Variants in AFF2 observed in about 807,000 individuals in gnomAD.
The protein encoded by AFF2 is AF4/FMR2 family member 2.
Under a neutral mutation model 76.9 loss-of-function variants are expected in AFF2, and 14 were observed. The observed-to-expected ratio is 0.18, with a 90% CI of 0.12 to 0.28. AFF2 has a LOEUF of 0.28. AFF2 is among the 10% of genes least tolerant of loss of function. The pLI is 1.00. For missense variants in AFF2, 868 were observed against 1,001.1 expected, an observed-to-expected ratio of 0.87 and a Z score of 1.79; for synonymous variants, 398 against 366.7, an observed-to-expected ratio of 1.09 and a Z score of -0.98.
intron 3 of AFF2, among the ~76,000 whole-genome samples, chrX:148,781,094 G>T (rs2069737526): frequency 8.9e-6 from 1 of 112,042 alleles, no homozygotes; most frequent in Admixed American, 9.5e-5. Flanking sequence ...GAACAGCAAA[G>T]ATTGCTGCCC....
At chrX:148,783,867 C>T (rs2069777578) in intron 3 of AFF2, among the ~76,000 whole-genome samples, 1 of 111,555 alleles carries the variant, frequency 9.0e-6, no homozygotes. Flanking sequence ...TGTGAGAGTA[C>T]AGGTGAACCA....
At chrX:148,770,327 G>A (rs781826236) in intron 3 of AFF2, among the ~76,000 whole-genome samples, 2 of 111,484 alleles carry the variant, frequency 1.8e-5, no homozygotes, top group Admixed American at 9.5e-5. Context: ...CATTCTATAC[G>A]TGGACATCCT....
At chrX:148,903,621 G>C (rs1557281116) in intron 8 of AFF2, among the ~76,000 whole-genome samples, 1 of 111,921 alleles carries the variant, frequency 8.9e-6, no homozygotes, top group Non-Finnish European at 1.9e-5. Context: ...CTATGATTTG[G>C]TGTATATTTT....
chrX:148,627,139 A>T (rs782621215), intron 1 of AFF2, among the ~76,000 whole-genome samples: 5 of 111,924 alleles, frequency 4.5e-5, no homozygotes, highest in Non-Finnish European at 9.4e-5. Context: ...TGAGCCCAGG[A>T]ATTTGAGGCT....
At chrX:148,670,063 CCTAA>C (rs1198978797) in intron 3 of AFF2, among the ~76,000 whole-genome samples, 3 of 111,901 alleles carry the variant, frequency 2.7e-5, no homozygotes, top group Non-Finnish European at 5.6e-5. Context: ...TCATATTCCT[CCTAA>C]CTTTCTCTTC....
intron 1 of AFF2, among the ~76,000 whole-genome samples, chrX:148,581,166 C>T (rs1332026371): frequency 8.3e-5 from 5 of 60,416 alleles, no homozygotes; most frequent in Admixed American, 2.0e-4. Flanking sequence ...CGTATACACA[C>T]ATACATATAC....
chrX:148,926,802 A>G (rs376881050), intron 9 of AFF2, among the ~76,000 whole-genome samples: 2 of 112,178 alleles, frequency 1.8e-5, no homozygotes, highest in African/African-American at 6.5e-5. Context: ...ATTTTCGTCA[A>G]TAAAATGAAA....
Position 148,992,105 on chromosome X carries a change from T to C in AFF2, c.*773T>C, listed in dbSNP as rs782293119. ...TGAAGTGTAAATCCTCACCTGGGGT[T>C]CTCTGTGTGCAAAGCTGTCCTTTTG... On this transcript the variant is annotated 3_prime_UTR_variant, in exon 21 of 21. Coordinates refer to ENST00000370460, the MANE Select transcript of AFF2 (RefSeq NM_002025.4). The C allele has an allele frequency of 8.9e-6, 1 of 112,123 alleles. No individual in the cohort carries two copies. Among genetic ancestry groups the C allele is most frequent in the South Asian group, 3.8e-4 (1 of 2,639 alleles). 9.2% of individuals were successfully genotyped at this position (112,123 alleles called of 1,213,427 possible). A position where few individuals can be genotyped will look rare whatever the true frequency, so the allele number is the denominator to read the frequency against.
chrX:148,849,378 CCCCCCCCCG>C (rs2070706861), intron 7 of AFF2, among the ~76,000 whole-genome samples: 1 of 41,106 alleles, frequency 2.4e-5, no homozygotes, highest in African/African-American at 1.2e-4. Context: ...CCCCCCCCCC[CCCCCCCCCG>C]CTGACCACCC....
At chrX:148,501,296 T>G in intron 1 of AFF2, 152 bp downstream of exon 1, 3 of 697,724 alleles carry the variant, frequency 4.3e-6, no homozygotes, top group South Asian at 2.6e-5. Flanking sequence ...CCGGCCGCGC[T>G]GACTCCTAGG....
intron 1 of AFF2, among the ~76,000 whole-genome samples, chrX:148,626,148 C>G (rs2053923331): frequency 8.9e-6 from 1 of 111,819 alleles, no homozygotes; most frequent in South Asian, 3.7e-4. Context: ...GTCTTCAATT[C>G]TTAATCTCAG....
chrX:148,679,144 G>T (rs1025853282), intron 3 of AFF2, among the ~76,000 whole-genome samples: 40 of 106,784 alleles, frequency 3.7e-4, no homozygotes, highest in African/African-American at 1.3e-3. Context: ...GATTTACATA[G>T]GTAGACATAA....
At chrX:148,977,607 G>C (rs782712165) in intron 16 of AFF2, among the ~76,000 whole-genome samples, 1 of 73,951 alleles carries the variant, frequency 1.4e-5, no homozygotes, top group Admixed American at 1.9e-4. Context: ...TATTTTACCA[G>C]CATTTAGACA....
intron 9 of AFF2, among the ~76,000 whole-genome samples, chrX:148,926,919 C>G (rs1349409114): frequency 8.9e-6 from 1 of 112,165 alleles, no homozygotes; most frequent in Admixed American, 9.4e-5. Context: ...GAAAGAAATA[C>G]AAAGCATTTA....
chrX:148,702,653 C>A (rs981218392), intron 3 of AFF2, among the ~76,000 whole-genome samples: 1 of 111,613 alleles, frequency 9.0e-6, no homozygotes, highest in African/African-American at 3.3e-5. Flanking sequence ...CAGGGGATTC[C>A]TGTGAGTCAC....
chrX:148,830,068 G>C (rs2070434957), intron 4 of AFF2, among the ~76,000 whole-genome samples: 1 of 112,153 alleles, frequency 8.9e-6, no homozygotes, highest in Non-Finnish European at 1.9e-5. Context: ...TCAGATAGCT[G>C]TCCCTTAGAG....
intron 1 of AFF2, among the ~76,000 whole-genome samples, chrX:148,627,402 A>C (rs2033100289): frequency 8.9e-6 from 1 of 112,113 alleles, no homozygotes; most frequent in African/African-American, 3.2e-5. Context: ...ATGGAGTTGC[A>C]GAAGGATTGA....
chrX:148,507,777 T>G (rs1446964341), intron 1 of AFF2, among the ~76,000 whole-genome samples: 1 of 112,260 alleles, frequency 8.9e-6, no homozygotes, highest in Non-Finnish European at 1.9e-5. Context: ...GAAGTAAATC[T>G]TTTAGATGAC....
At chrX:148,663,235 G>A (rs1394083604) in intron 3 of AFF2, among the ~76,000 whole-genome samples, 1 of 111,878 alleles carries the variant, frequency 8.9e-6, no homozygotes, top group Admixed American at 9.5e-5. Flanking sequence ...GGAACCTGAA[G>A]TAGAAGGCGT....
Sources: gnomAD v4.1 joint callset for allele counts (sites outside exome capture counted in the v4.1 genomes callset) on GRCh38, gnomAD v4.1.1 for gene constraint, MANE v1.5 for transcripts, NCBI Gene and HGNC (gene_info 2026-07-23, HGNC 2026-07-21) for gene names.